Variants in NYNRIN observed in about 807,000 individuals in gnomAD.
NYNRIN encodes the protein NYN domain and retroviral integrase containing, also known as protein NYNRIN.
Under a neutral mutation model 146.6 loss-of-function variants are expected in NYNRIN, and 86 were observed. The observed-to-expected ratio is 0.59, with a 90% CI of 0.49 to 0.70. The LOEUF is 0.70. NYNRIN is among the 30% of genes least tolerant of loss of function. The probability of loss-of-function intolerance (pLI) is 0.00; values close to 1 mark genes in which losing one functional copy is unlikely to be tolerated. For synonymous variants in NYNRIN, 1,027 were observed against 1,001.3 expected, an observed-to-expected ratio of 1.03 and a Z score of -0.48; for missense variants, 2,191 against 2,377.7, an observed-to-expected ratio of 0.92 and a Z score of 1.63.
intron 2 of NYNRIN, among the ~76,000 whole-genome samples, chr14:24,407,279 C>T (rs894762195): frequency 6.6e-5 from 10 of 152,282 alleles, no homozygotes; most frequent in East Asian, 1.9e-4. Flanking sequence ...GTACTTTCTG[C>T]GTATTAATTC....
rs372984438 is a variant in NYNRIN, at chr14:24,416,048, G to A, written c.4299G>A (p.Arg1433=). 2 of 1,613,822 alleles carry A rather than the reference G, an allele frequency of 1.2e-6. No individual in the cohort carries two copies. Among genetic ancestry groups the A allele is most frequent in the East Asian group, 2.2e-5 (1 of 44,894 alleles). The part of the protein sequence containing the change: ...SLPFIYRTSY[R]GSLFAVTVDT... ...CGTTTATCTACCGAACCTCCTACCGGGGCTCTCTGTTTGCTGTGACAGTGG... is the reference window on the plus strand; with the variant it reads ...CGTTTATCTACCGAACCTCCTACCGAGGCTCTCTGTTTGCTGTGACAGTGG... Residue 1433 remains arginine (R), a synonymous_variant, in exon 9 of 9, where the codon CGG becomes CGA. Coordinates refer to ENST00000382554, the MANE Select transcript of NYNRIN (RefSeq NM_025081.3).
At position 24,415,532 on chromosome 14, in the gene NYNRIN, G is replaced by A. The variant is rs2042938931; in HGVS notation, c.3783G>A (p.Leu1261=). The A allele has an allele frequency of 6.2e-7, 1 of 1,613,842 alleles. No individual in the cohort carries two copies. Among genetic ancestry groups the A allele is most frequent in the Non-Finnish European group, 8.5e-7 (1 of 1,179,798 alleles). The change falls in exon 9 of 9, where the codon TTG becomes TTA. Residue 1261 remains leucine, a synonymous_variant. Coordinates refer to ENST00000382554, the MANE Select transcript of NYNRIN (RefSeq NM_025081.3). ...CTTGGTTGATCCGATGGTCCCTCTTGGTTCAGGACAAAGGCAAGAGGGCCC... is the reference window on the plus strand; with the variant it reads ...CTTGGTTGATCCGATGGTCCCTCTTAGTTCAGGACAAAGGCAAGAGGGCCC... ...SKAWLIRWSL[L]VQDKGKRALE... is the part of the protein sequence containing the mutation.
intron 6 of NYNRIN, 124 bp from the exon 7 acceptor site, chr14:24,412,873 G>A (rs1452328730): frequency 3.2e-6 from 2 of 630,842 alleles, no homozygotes; most frequent in Non-Finnish European, 5.6e-6. Flanking sequence ...GGATTTCTGA[G>A]TAGGAAGGGC....
Position 24,417,103 on chromosome 14 carries a change from A to C in NYNRIN, c.5354A>C (p.Lys1785Thr). Residue 1785 changes from lysine (K) to threonine (T), a missense_variant, in exon 9 of 9, where the codon AAG (lysine) becomes ACG (threonine). Around this residue, in one of 3 missense-constraint regions of NYNRIN, gnomAD observed 1,291 missense variants for 1,417.0 expected, o/e 0.91. Transcript: ENST00000382554. ...EMSSANIEGL[K>T]MDVFLLQLVG... ...AGCAGCGCAAACATTGAAGGGCTCA[A>C]GATGGACGTCTTCCTGCTACAGCTG... The C allele has an allele frequency of 6.2e-7, 1 of 1,613,878 alleles. No individual in the cohort carries two copies. Among genetic ancestry groups the C allele is most frequent in the Non-Finnish European group, 8.5e-7 (1 of 1,179,794 alleles).
At position 24,416,211 on chromosome 14, in the gene NYNRIN, C is replaced by T; in HGVS notation, c.4462C>T (p.Leu1488=). ...GGCATTACAGCTGAGTGACAGCACC[C>T]TGGCCGACATCATTGCCAGGCTGCA... ...LLALQLSDST[L]ADIIARLQAG... Residue 1488 remains leucine, a synonymous_variant, in exon 9 of 9, where the codon CTG becomes TTG. Coordinates refer to ENST00000382554, the MANE Select transcript of NYNRIN (RefSeq NM_025081.3). The T allele has an allele frequency of 1.9e-6, 3 of 1,614,022 alleles. No individual in the cohort carries two copies. Among genetic ancestry groups the T allele is most frequent in the East Asian group, 2.2e-5 (1 of 44,872 alleles).
chr14:24,406,988 G>A (rs959110221), intron 2 of NYNRIN, among the ~76,000 whole-genome samples: 15 of 152,220 alleles, frequency 9.9e-5, no homozygotes, highest in Admixed American at 2.0e-4. Flanking sequence ...GTGTATGTGC[G>A]GGTGCAGGGG....
Position 24,416,278 on chromosome 14 carries a change from C to G in NYNRIN, c.4529C>G (p.Ala1510Gly), listed in dbSNP as rs1826508257. Residue 1510 changes from alanine (A) to glycine (G), a missense_variant, in exon 9 of 9, where the codon GCC becomes GGC. This residue lies in a region of NYNRIN where 1,291 missense variants were observed against 1,417.0 expected (regional missense o/e 0.91). Coordinates refer to ENST00000382554, the MANE Select transcript of NYNRIN (RefSeq NM_025081.3). Reference protein sequence around the residue: ...KLSGSSPFSSAFNSLSLDKES... With the variant: ...KLSGSSPFSSGFNSLSLDKES... ...TCTGGCTCCTCACCGTTTAGTTCTG[C>G]CTTTAACTCACTCAGCCTCGACAAG... The G allele has an allele frequency of 2.5e-6, 4 of 1,613,892 alleles. No homozygotes were observed. The highest frequency in any genetic ancestry group is 3.4e-6 in the Non-Finnish European group (4 of 1,179,872).
Position 24,417,333 on chromosome 14 carries a change from A to C in NYNRIN, c.5584A>C (p.Arg1862=), listed in dbSNP as rs1171287205. The change falls in exon 9 of 9, where the codon AGG becomes CGG. Residue 1862 remains arginine (R), a synonymous_variant. Coordinates refer to ENST00000382554, the MANE Select transcript of NYNRIN (RefSeq NM_025081.3). ...IGDRLSLSLY[R]IWGFPTPEKL... is the part of the protein sequence containing the mutation. ...GGACCGGCTGAGCCTGTCACTCTAT[A>C]GGATATGGGGCTTCCCAACCCCAGA... The C allele has an allele frequency of 3.1e-6, 5 of 1,609,778 alleles. No homozygotes were observed. The highest frequency in any genetic ancestry group is 4.2e-6 in the Non-Finnish European group (5 of 1,177,876).
intron 2 of NYNRIN, among the ~76,000 whole-genome samples, chr14:24,404,882 T>G (rs1442165610): frequency 6.6e-6 from 1 of 152,148 alleles, no homozygotes; most frequent in Non-Finnish European, 1.5e-5. Context: ...CTCCATGTTT[T>G]TTTGTGTGGT....
Position 24,415,806 on chromosome 14 carries a change from G to A in NYNRIN, c.4057G>A (p.Ala1353Thr). Residue 1353 changes from alanine to threonine, a missense_variant, in exon 9 of 9, where the codon GCC becomes ACC. By Grantham distance (58) the Ala-to-Thr change is moderately conservative. This residue lies in a region of NYNRIN where 1,291 missense variants were observed against 1,417.0 expected (regional missense o/e 0.91). Transcript: ENST00000382554. ...FSCSPYTPTY[A>T]HLAAVACGLE... ...CTGCTCCCCTTACACGCCAACCTAT[G>A]CCCACCTGGCAGCCGTGGCCTGCGG... 1.2e-6 allele frequency: 2 copies of A among 1,613,900 alleles called. No homozygotes were observed. The highest frequency in any genetic ancestry group is 1.7e-6 in the Non-Finnish European group (2 of 1,179,870).
chr14:24,414,786 G>T lies in NYNRIN; in HGVS notation c.3037G>T (p.Ala1013Ser). 6.2e-7 allele frequency: 1 copy of T among 1,613,894 alleles called. No individual in the cohort carries two copies. Among genetic ancestry groups the T allele is most frequent in the Non-Finnish European group, 8.5e-7 (1 of 1,179,850 alleles). ...GAGACAGGGGCAGGGCACACAGAAG[G>T]CGGCTGAGGAGGACGACCTTGACTC... ...EQRQGQGTQK[A>S]AEEDDLDSSL... Residue 1013 changes from alanine to serine, a missense_variant, in exon 9 of 9, where the codon GCG becomes TCG. Ala to Ser is a moderately conservative substitution (Grantham distance 99). Coordinates refer to ENST00000382554, the MANE Select transcript of NYNRIN (RefSeq NM_025081.3).
At position 24,414,799 on chromosome 14, in the gene NYNRIN, A is replaced by G; in HGVS notation, c.3050A>G (p.Asp1017Gly). 6.2e-7 allele frequency: 1 copy of G among 1,613,752 alleles called. No homozygotes were observed. The highest frequency in any genetic ancestry group is 8.5e-7 in the Non-Finnish European group (1 of 1,179,794). ...GQGTQKAAEEDDLDSSLASVF... is the reference protein window; with the variant it reads ...GQGTQKAAEEGDLDSSLASVF... ...GGCACACAGAAGGCGGCTGAGGAGG[A>G]CGACCTTGACTCTTCGCTGGCGTCA... Residue 1017 changes from aspartate (D) to glycine (G), a missense_variant, in exon 9 of 9, where the codon GAC (aspartate) becomes GGC (glycine). Physicochemically the swap from Asp to Gly is moderately conservative, Grantham distance 94. Around this residue, in one of 3 missense-constraint regions of NYNRIN, gnomAD observed 1,291 missense variants for 1,417.0 expected, o/e 0.91. Transcript: ENST00000382554.
rs1298862850 is a variant in NYNRIN, at chr14:24,415,614, G to A, written c.3865G>A (p.Ala1289Thr). Residue 1289 changes from alanine (A) to threonine (T), a missense_variant, in exon 9 of 9, where the codon GCC becomes ACC. Ala to Thr is a moderately conservative substitution (Grantham distance 58). This residue lies in a region of NYNRIN where 1,291 missense variants were observed against 1,417.0 expected (regional missense o/e 0.91). Coordinates refer to ENST00000382554, the MANE Select transcript of NYNRIN (RefSeq NM_025081.3). Reference sequence around the variant, plus strand: ...GGAGAACCGCCTGCTCACCCCCGCGGCCTCCATGCCTCGCTTCTTCCAGGT... The same window carrying A: ...GGAGAACCGCCTGCTCACCCCCGCGACCTCCATGCCTCGCTTCTTCCAGGT... ...LGENRLLTPA[A>T]SMPRFFQVLP... 21 of 1,613,786 alleles carry A rather than the reference G, an allele frequency of 1.3e-5. No individual in the cohort carries two copies. The highest frequency in any genetic ancestry group is 1.7e-5 in the Non-Finnish European group (20 of 1,179,884).
chr14:24,415,855 C>T lies in NYNRIN; in HGVS notation c.4106C>T (p.Pro1369Leu). 1 of 1,614,008 alleles carries T rather than the reference C, an allele frequency of 6.2e-7. No individual in the cohort carries two copies. The highest frequency in any genetic ancestry group is 8.5e-7 in the Non-Finnish European group (1 of 1,179,896). Reference sequence around the variant, plus strand: ...GGCCTGGAGCGCTTTGGCCAGTCCCCACTCCCAGTGGTTTTCCTCACTCAC... The same window carrying T: ...GGCCTGGAGCGCTTTGGCCAGTCCCTACTCCCAGTGGTTTTCCTCACTCAC... ...ACGLERFGQSPLPVVFLTHCN... is the reference protein window; with the variant it reads ...ACGLERFGQSLLPVVFLTHCN... Residue 1369 changes from proline to leucine, a missense_variant, in exon 9 of 9, where the codon CCA (proline) becomes CTA (leucine). By Grantham distance (98) the Pro-to-Leu change is moderately conservative. Transcript: ENST00000382554.
At position 24,415,386 on chromosome 14, in the gene NYNRIN, G is replaced by A; in HGVS notation, c.3637G>A (p.Ala1213Thr). Reference protein sequence around the residue: ...QSGGDSPYAVAWALKHFSRCI... With the variant: ...QSGGDSPYAVTWALKHFSRCI... ...AGGGGGTGACAGCCCCTATGCTGTG[G>A]CCTGGGCCCTCAAGCATTTTTCCCG... The change falls in exon 9 of 9, where the codon GCC becomes ACC. Residue 1213 changes from alanine (A) to threonine (T), a missense_variant. Ala to Thr is a moderately conservative substitution (Grantham distance 58). This residue lies in a region of NYNRIN where 1,291 missense variants were observed against 1,417.0 expected (regional missense o/e 0.91). Transcript: ENST00000382554. The A allele has an allele frequency of 6.2e-7, 1 of 1,614,018 alleles. No homozygotes were observed. Among genetic ancestry groups the A allele is most frequent in the Admixed American group, 1.7e-5 (1 of 60,034 alleles).
rs535992777 is a variant in NYNRIN, at chr14:24,406,565, G to A, written c.199-1304G>A. 2.6e-5 allele frequency among the ~76,000 whole-genome samples: 4 copies of A among 152,368 alleles called. No individual in the cohort carries two copies. In the South Asian group the frequency reaches 8.3e-4, roughly 32 times the overall value. On this transcript the variant is annotated intron_variant, in intron 2 of 8. Transcript: ENST00000382554. ...GACATGTATTTCAGGCTCTGAGGAAGAAGTTGCAGGTCTGTGGCCTCGGCC... is the reference window on the plus strand; with the variant it reads ...GACATGTATTTCAGGCTCTGAGGAAAAAGTTGCAGGTCTGTGGCCTCGGCC...
chr14:24,415,740 G>A lies in NYNRIN; in HGVS notation c.3991G>A (p.Val1331Ile). ...DEWCAGFGLY[V>I]LSPTSPPVSL... ...GTGGTGTGCTGGCTTTGGTCTCTAT[G>A]TTCTATCGCCCACCAGCCCCCCTGT... The change falls in exon 9 of 9, where the codon GTT becomes ATT. Residue 1331 changes from valine to isoleucine, a missense_variant. Val to Ile is a conservative substitution (Grantham distance 29). This residue lies in a region of NYNRIN where 1,291 missense variants were observed against 1,417.0 expected (regional missense o/e 0.91). Coordinates refer to ENST00000382554, the MANE Select transcript of NYNRIN (RefSeq NM_025081.3). The A allele has an allele frequency of 6.2e-6, 10 of 1,613,672 alleles. No homozygotes were observed. The highest frequency in any genetic ancestry group is 8.5e-6 in the Non-Finnish European group (10 of 1,179,712).
Position 24,411,425 on chromosome 14 carries a change from A to G in NYNRIN, c.2617A>G (p.Lys873Glu), listed in dbSNP as rs1411421778. 6.2e-7 allele frequency: 1 copy of G among 1,613,952 alleles called. No homozygotes were observed. The highest frequency in any genetic ancestry group is 8.5e-7 in the Non-Finnish European group (1 of 1,179,874). Residue 873 changes from lysine (K) to glutamate (E), a missense_variant, in exon 6 of 9, where the codon AAG becomes GAG. By Grantham distance (56) the Lys-to-Glu change is moderately conservative. Around this residue, in one of 3 missense-constraint regions of NYNRIN, gnomAD observed 1,291 missense variants for 1,417.0 expected, o/e 0.91. Transcript: ENST00000382554. The surrounding 1 kb of genome is among the most constrained non-coding windows in gnomAD (Gnocchi z 4.3). ...SITPSQLENGKKITTYDYRFM... is the reference protein window; with the variant it reads ...SITPSQLENGEKITTYDYRFM... ...CACACCCTCCCAGCTTGAGAATGGC[A>G]AGAAGATCACCACCTACGATTATAG...
At position 24,411,420 on chromosome 14, in the gene NYNRIN, A is replaced by G; in HGVS notation, c.2612A>G (p.Asn871Ser). 6.2e-7 allele frequency: 1 copy of G among 1,613,974 alleles called. No homozygotes were observed. Among genetic ancestry groups the G allele is most frequent in the Non-Finnish European group, 8.5e-7 (1 of 1,179,888 alleles). ...TCAATCACACCCTCCCAGCTTGAGAATGGCAAGAAGATCACCACCTACGAT... is the reference window on the plus strand; with the variant it reads ...TCAATCACACCCTCCCAGCTTGAGAGTGGCAAGAAGATCACCACCTACGAT... ...MLSITPSQLE[N>S]GKKITTYDYR... Residue 871 changes from asparagine to serine, a missense_variant, in exon 6 of 9, where the codon AAT becomes AGT. Around this residue, in one of 3 missense-constraint regions of NYNRIN, gnomAD observed 1,291 missense variants for 1,417.0 expected, o/e 0.91. Coordinates refer to ENST00000382554, the MANE Select transcript of NYNRIN (RefSeq NM_025081.3). This position sits in a 1 kb window ranked among gnomAD's most constrained non-coding sequence, Gnocchi z 4.3.
Sources: gnomAD v4.1 joint callset for allele counts (sites outside exome capture counted in the v4.1 genomes callset) on GRCh38, gnomAD v4.1.1 for gene constraint, gnomAD v4.1.1 regional missense constraint, Gnocchi (gnomAD v3.1) non-coding constraint, MANE v1.5 for transcripts, NCBI Gene and HGNC (gene_info 2026-07-23, HGNC 2026-07-21) for gene names.